The following ADCY8 variants were observed in gnomAD, a reference collection of about 807,000 sequenced individuals.
ADCY8 encodes the protein adenylate cyclase type 8.
Under a neutral mutation model 119.7 loss-of-function variants are expected in ADCY8, and 51 were observed. The observed-to-expected ratio is 0.43, with a 90% CI of 0.34 to 0.54. ADCY8 has a LOEUF of 0.54. Among genes scored for constraint, ADCY8 ranks in the 20% least tolerant of loss-of-function variants. The pLI is 0.03. For synonymous variants in ADCY8, 665 were observed against 651.0 expected (o/e 1.02, Z -0.33); for missense variants, 1,383 against 1,598.8 (o/e 0.87, Z 2.30).
chr8:130,988,485 T>C (rs751882563), intron 2 of ADCY8, among the ~76,000 whole-genome samples: 4 of 152,194 alleles, frequency 2.6e-5, no homozygotes, highest in Non-Finnish European at 5.9e-5. Context: ...TATTGCTTTC[T>C]ACATAGTATC....
intron 5 of ADCY8, among the ~76,000 whole-genome samples, chr8:130,916,724 G>C (rs747584951): frequency 6.6e-6 from 1 of 152,382 alleles, no homozygotes; most frequent in African/African-American, 2.4e-5. Flanking sequence ...TGTGCCTTAA[G>C]GGCATGTTCC....
In ADCY8 at chr8:130,785,398, C is replaced by G; in HGVS notation, c.3138G>C (p.Leu1046=). The part of the protein sequence containing the change: ...IGSTYMAVSG[L]SPEKQQCEDK... ...AGTCCTTTACCTGTTTTTCAGGTGA[C>G]AGGCCTGACACGGCCATGTAGGTGC... is the stretch of plus-strand genomic sequence containing the variant. Residue 1046 remains leucine (L), a synonymous_variant, in exon 16 of 18, where the codon CTG becomes CTC. Transcript: ENST00000286355. The G allele has an allele frequency of 6.2e-7, 1 of 1,606,856 alleles. No individual in the cohort carries two copies.
Position 130,869,797 on chromosome 8 carries a change from G to A in ADCY8, c.2110-1851C>T, listed in dbSNP as rs982769724. On this transcript the variant is annotated intron_variant, in intron 8 of 17. Transcript: ENST00000286355. ...CTCCCAAAGGGCTGGGATTACAGGC[G>A]TGAGCCACTGCACCCGGCCGGCTAC... Among the ~76,000 whole-genome samples, 6 of 151,866 alleles carry A rather than the reference G, an allele frequency of 4.0e-5. 1 individual carries two copies. The highest frequency in any genetic ancestry group is 1.2e-4 in the African/African-American group (5 of 41,400).
At chr8:130,869,787 G>A (rs1586507974) in intron 8 of ADCY8, among the ~76,000 whole-genome samples, 1 of 152,096 alleles carries the variant, frequency 6.6e-6, no homozygotes, top group East Asian at 1.9e-4. Flanking sequence ...AAAGGGCTGG[G>A]ATTACAGGCG....
intron 9 of ADCY8, among the ~76,000 whole-genome samples, chr8:130,867,003 T>A (rs1818146244): frequency 6.6e-6 from 1 of 152,184 alleles, no homozygotes; most frequent in Non-Finnish European, 1.5e-5. Flanking sequence ...TAATGTTCCT[T>A]AGCCTATATT....
chr8:131,031,122 C>T (rs1462531115), intron 1 of ADCY8, among the ~76,000 whole-genome samples: 1 of 151,728 alleles, frequency 6.6e-6, no homozygotes, highest in Non-Finnish European at 1.5e-5. Flanking sequence ...ATAGGATATT[C>T]CTATATATCT....
At chr8:130,871,053 A>G (rs994959445) in intron 8 of ADCY8, among the ~76,000 whole-genome samples, 5 of 152,226 alleles carry the variant, frequency 3.3e-5, no homozygotes, top group African/African-American at 1.2e-4. Flanking sequence ...CATCAAATAT[A>G]AAATGCTGTG....
chr8:130,869,508 A>ATT, intron 8 of ADCY8, among the ~76,000 whole-genome samples: 1 of 137,120 alleles, frequency 7.3e-6, no homozygotes, highest in Non-Finnish European at 1.5e-5. Context: ...TATTTTGTTT[A>ATT]TTTTTTTTTG....
At chr8:130,814,780 G>T (rs1216617550) in intron 13 of ADCY8, among the ~76,000 whole-genome samples, 1 of 152,118 alleles carries the variant, frequency 6.6e-6, no homozygotes, top group Non-Finnish European at 1.5e-5. Context: ...GGGGGAAACT[G>T]CCCCCATGGC....
intron 15 of ADCY8, among the ~76,000 whole-genome samples, chr8:130,795,088 A>G (rs1443979946): frequency 1.3e-5 from 2 of 152,206 alleles, no homozygotes; most frequent in Non-Finnish European, 2.9e-5. Context: ...CACAGTATAC[A>G]AAGCATAAAT....
chr8:131,015,801 C>G lies in ADCY8; in HGVS notation c.960+23573G>C, dbSNP rs55678122. Among the ~76,000 whole-genome samples the G allele has an allele frequency of 7.6e-3, 1,150 of 152,232 alleles. 4 individuals are homozygous for G. Among genetic ancestry groups the G allele is most frequent in the Non-Finnish European group, 0.012 (801 of 67,998 alleles). On this transcript the variant is annotated intron_variant, in intron 1 of 17. Coordinates refer to ENST00000286355, the MANE Select transcript of ADCY8 (RefSeq NM_001115.3). The stretch of plus-strand genomic sequence containing the variant: ...TCAGAGAGGTAAAACAACTTCTCTA[C>G]GCACATAGCTAGGTAGAGAGGGCTG...
chr8:131,034,035 G>T (rs1824074107), intron 1 of ADCY8, among the ~76,000 whole-genome samples: 1 of 151,914 alleles, frequency 6.6e-6, no homozygotes, highest in Non-Finnish European at 1.5e-5. Flanking sequence ...GATATTTGGG[G>T]TTTTAAGAAA....
intron 9 of ADCY8, among the ~76,000 whole-genome samples, chr8:130,853,392 T>G (rs1415891785): frequency 6.6e-6 from 1 of 152,182 alleles, no homozygotes; most frequent in African/African-American, 2.4e-5. Context: ...GGTTTAATCT[T>G]TTGCAGCATC....
chr8:130,858,898 A>ATG (rs1475276227), intron 9 of ADCY8, among the ~76,000 whole-genome samples: 1 of 142,468 alleles, frequency 7.0e-6, no homozygotes, highest in Admixed American at 7.0e-5. Context: ...ATTATCATGT[A>ATG]TATGTGTGTG....
intron 8 of ADCY8, among the ~76,000 whole-genome samples, chr8:130,874,197 A>C (rs1424792523): frequency 6.6e-6 from 1 of 152,024 alleles, no homozygotes; most frequent in East Asian, 1.9e-4. Flanking sequence ...AGTCCCAGCT[A>C]CTCAGGAGGC....
chr8:130,874,310 AAAATAAATAAATAAATAAATAAATAAAT>A (rs142984550), intron 8 of ADCY8, among the ~76,000 whole-genome samples: 2 of 147,898 alleles, frequency 1.4e-5, no homozygotes, highest in South Asian at 4.3e-4. Flanking sequence ...TCTGACTTAA[AAAATAAATAAATAAATAAATAAATAAAT>A]AAATAAATAA....
At chr8:130,868,345 A>T (rs181116877) in intron 8 of ADCY8, among the ~76,000 whole-genome samples, 54 of 146,932 alleles carry the variant, frequency 3.7e-4, no homozygotes, top group Admixed American at 1.4e-3. Context: ...TTTTACCAGG[A>T]AGTCTTTCTG....
intron 8 of ADCY8, among the ~76,000 whole-genome samples, chr8:130,881,469 G>A (rs1482920217): frequency 2.0e-5 from 3 of 152,050 alleles, no homozygotes; most frequent in Non-Finnish European, 1.5e-5. Flanking sequence ...TCTTCTTATT[G>A]TTCAAACGGA....
At chr8:130,864,883 C>CT (rs912143700) in intron 9 of ADCY8, among the ~76,000 whole-genome samples, 6 of 151,910 alleles carry the variant, frequency 3.9e-5, no homozygotes, top group Middle Eastern at 3.4e-3. Flanking sequence ...TTTGCCTCTT[C>CT]TTTTTTTTGG....
Sources: gnomAD v4.1 joint callset for allele counts (sites outside exome capture counted in the v4.1 genomes callset) on GRCh38, gnomAD v4.1.1 for gene constraint, MANE v1.5 for transcripts, NCBI Gene and HGNC (gene_info 2026-07-23, HGNC 2026-07-21) for gene names.